Variants in LRP1B observed in about 807,000 individuals in gnomAD.
The protein encoded by LRP1B is low-density lipoprotein receptor-related protein 1B.
In LRP1B, 217 loss-of-function variants were observed where a neutral mutation model predicts 556.6. The observed-to-expected ratio is 0.39, with a 90% CI of 0.35 to 0.44. LRP1B has a LOEUF of 0.44. Ranked by LOEUF, LRP1B falls within the 20% of genes least tolerant of loss-of-function variation. The pLI is 1.00. For missense variants in LRP1B, 5,053 were observed against 5,620.8 expected (o/e 0.90, Z 3.23); for synonymous variants, 2,047 against 1,865.8 (o/e 1.10, Z -2.50).
At chr2:141,892,241 T>G (rs1699314165) in intron 1 of LRP1B, among the ~76,000 whole-genome samples, 1 of 151,934 alleles carries the variant, frequency 6.6e-6, no homozygotes, top group Non-Finnish European at 1.5e-5. Context: ...AAGAAAGTAT[T>G]TTTAATAAAG....
chr2:141,012,598 T>G lies in LRP1B; in HGVS notation c.2380+958A>C, dbSNP rs960842966. On this transcript the variant is annotated intron_variant, in intron 14 of 90. Coordinates refer to ENST00000389484, the MANE Select transcript of LRP1B (RefSeq NM_018557.3). The stretch of plus-strand genomic sequence containing the variant: ...AGATAATTTTATCTTTTATCAGCTA[T>G]TGATATTTCTCATGTACACATTTCC... Among the ~76,000 whole-genome samples, 6 of 152,128 alleles carry G rather than the reference T, an allele frequency of 3.9e-5. 1 individual carries two copies. The highest frequency in any genetic ancestry group is 3.9e-4 in the Admixed American group (6 of 15,268).
chr2:141,312,900 C>G (rs1034342858), intron 3 of LRP1B, among the ~76,000 whole-genome samples: 1 of 151,964 alleles, frequency 6.6e-6, no homozygotes, highest in African/African-American at 2.4e-5. Flanking sequence ...AGGCTGGTCT[C>G]GAACTCCTGA....
At chr2:141,365,939 C>T (rs1394048297) in intron 3 of LRP1B, among the ~76,000 whole-genome samples, 4 of 151,986 alleles carry the variant, frequency 2.6e-5, no homozygotes. Flanking sequence ...TCCCAAAGTG[C>T]CAGGATTACA....
intron 2 of LRP1B, among the ~76,000 whole-genome samples, chr2:141,682,112 T>C (rs184608691): frequency 3.3e-5 from 5 of 152,220 alleles, no homozygotes; most frequent in African/African-American, 1.2e-4. Flanking sequence ...GTATGTTCAA[T>C]TGGGTGTCTT....
chr2:141,974,924 T>C (rs1701843548), intron 1 of LRP1B, among the ~76,000 whole-genome samples: 1 of 152,078 alleles, frequency 6.6e-6, no homozygotes, highest in South Asian at 2.1e-4. Flanking sequence ...TAATTTGTTT[T>C]CCCCCTCTTT....
At chr2:141,053,975 G>T (rs1209548777) in intron 10 of LRP1B, among the ~76,000 whole-genome samples, 2 of 151,790 alleles carry the variant, frequency 1.3e-5, no homozygotes, top group African/African-American at 4.8e-5. Context: ...TATCCAGAAG[G>T]CCTAGAAACA....
intron 31 of LRP1B, among the ~76,000 whole-genome samples, chr2:140,817,079 G>A (rs1252849672): frequency 6.6e-6 from 1 of 152,074 alleles, no homozygotes; most frequent in East Asian, 1.9e-4. Context: ...ACAGTCAAAT[G>A]TGAGCATATT....
At chr2:140,971,292 G>C (rs1029473207) in intron 18 of LRP1B, among the ~76,000 whole-genome samples, 1 of 152,096 alleles carries the variant, frequency 6.6e-6, no homozygotes, top group Non-Finnish European at 1.5e-5. Flanking sequence ...TTGAAGTTAT[G>C]TTGCCCCAAG....
At chr2:140,961,554 T>A (rs1300988371) in intron 18 of LRP1B, among the ~76,000 whole-genome samples, 1 of 152,078 alleles carries the variant, frequency 6.6e-6, no homozygotes, top group Non-Finnish European at 1.5e-5. Context: ...TCATAAATAA[T>A]TTTTGTTGTA....
chr2:141,863,332 G>A (rs1698310587), intron 1 of LRP1B, among the ~76,000 whole-genome samples: 1 of 152,052 alleles, frequency 6.6e-6, no homozygotes, highest in South Asian at 2.1e-4. Context: ...TATTGTGGTG[G>A]CGAACCAATA....
At chr2:141,116,755 T>C (rs1443426587) in intron 7 of LRP1B, among the ~76,000 whole-genome samples, 1 of 152,064 alleles carries the variant, frequency 6.6e-6, no homozygotes, top group Non-Finnish European at 1.5e-5. Context: ...AACTCTGCCT[T>C]TTCTAATCTC....
At chr2:141,018,282 GCT>G (rs988668865) in intron 12 of LRP1B, among the ~76,000 whole-genome samples, 13 of 151,996 alleles carry the variant, frequency 8.6e-5, no homozygotes, top group African/African-American at 3.1e-4. Context: ...GTCAAAATAA[GCT>G]CTTTCCTCTG....
intron 84 of LRP1B, among the ~76,000 whole-genome samples, chr2:140,276,009 TTAA>T (rs1305047626): frequency 6.6e-6 from 1 of 151,938 alleles, no homozygotes; most frequent in South Asian, 2.1e-4. Context: ...AATATTGAAA[TTAA>T]TAATATAAAT....
intron 66 of LRP1B, among the ~76,000 whole-genome samples, chr2:140,415,156 T>C (rs1475261120): frequency 1.3e-5 from 2 of 152,164 alleles, no homozygotes; most frequent in Non-Finnish European, 2.9e-5. Flanking sequence ...ACCGGTTCTC[T>C]GCTCGTGAAG....
chr2:140,939,711 A>C (rs138051087), intron 20 of LRP1B, among the ~76,000 whole-genome samples: 19 of 151,712 alleles, frequency 1.3e-4, no homozygotes, highest in Non-Finnish European at 2.2e-4. Context: ...AACAATGACA[A>C]TAAACCAGAA....
At chr2:140,470,537 C>T (rs750949430) in intron 60 of LRP1B, among the ~76,000 whole-genome samples, 36 of 146,134 alleles carry the variant, frequency 2.5e-4, no homozygotes, top group Non-Finnish European at 4.8e-4. Context: ...CCCAGCCCCT[C>T]GGGAGGCTGA....
At chr2:141,121,174 G>T (rs539128243) in intron 7 of LRP1B, among the ~76,000 whole-genome samples, 3 of 152,054 alleles carry the variant, frequency 2.0e-5, no homozygotes, top group South Asian at 4.1e-4. Flanking sequence ...TAAGAGTAAA[G>T]CCTCATGGAG....
chr2:141,959,756 T>C (rs1194890620), intron 1 of LRP1B, among the ~76,000 whole-genome samples: 2 of 151,998 alleles, frequency 1.3e-5, no homozygotes, highest in African/African-American at 2.4e-5. Context: ...GAATCTGGTG[T>C]GTCTTTTACA....
chr2:141,507,134 T>C (rs1433502239), intron 2 of LRP1B, among the ~76,000 whole-genome samples: 2 of 152,194 alleles, frequency 1.3e-5, no homozygotes, highest in Non-Finnish European at 2.9e-5. Flanking sequence ...AATAATTTAT[T>C]CATGCAGAAA....
Sources: gnomAD v4.1 joint callset for allele counts (sites outside exome capture counted in the v4.1 genomes callset) on GRCh38, gnomAD v4.1.1 for gene constraint, MANE v1.5 for transcripts, NCBI Gene and HGNC (gene_info 2026-07-23, HGNC 2026-07-21) for gene names.